Variants in DGKB observed in about 807,000 individuals in gnomAD.
The protein encoded by DGKB is diacylglycerol kinase beta.
DGKB carries 67 observed loss-of-function variants against 114.3 expected under a neutral mutation model. The observed-to-expected ratio is 0.59, with a 90% CI of 0.48 to 0.72. The LOEUF (loss-of-function observed/expected upper bound fraction) is 0.72. DGKB is among the 30% of genes least tolerant of loss of function. The pLI, the probability that DGKB is intolerant of heterozygous loss-of-function variation, is 0.00. For missense variants in DGKB, 907 were observed against 975.2 expected (o/e 0.93, Z 0.93); for synonymous variants, 398 against 323.1 (o/e 1.23, Z -2.49).
At chr7:14,819,235 A>G (rs1844574945) in intron 2 of DGKB, among the ~76,000 whole-genome samples, 1 of 152,158 alleles carries the variant, frequency 6.6e-6, no homozygotes, top group African/African-American at 2.4e-5. Context: ...TTTAAGATAT[A>G]TGTGTTCTTT....
chr7:14,807,046 G>C (rs938363533), intron 2 of DGKB, among the ~76,000 whole-genome samples: 1 of 151,274 alleles, frequency 6.6e-6, no homozygotes, highest in Admixed American at 6.6e-5. Context: ...GAAGTTCTTG[G>C]AGAAAAAAAA....
At chr7:14,708,540 C>T (rs1466820639) in intron 6 of DGKB, among the ~76,000 whole-genome samples, 1 of 151,392 alleles carries the variant, frequency 6.6e-6, no homozygotes, top group Non-Finnish European at 1.5e-5. Flanking sequence ...AAGCTGGAGG[C>T]ATCACACTAC....
chr7:14,283,619 C>A (rs1312494119), intron 23 of DGKB, among the ~76,000 whole-genome samples: 3 of 149,990 alleles, frequency 2.0e-5, no homozygotes, highest in Admixed American at 2.0e-4. Flanking sequence ...AACTATACTA[C>A]AAGGCTACAG....
At chr7:14,519,004 T>C (rs973547951) in intron 20 of DGKB, among the ~76,000 whole-genome samples, 1 of 152,042 alleles carries the variant, frequency 6.6e-6, no homozygotes, top group African/African-American at 2.4e-5. Flanking sequence ...ACTTTGGTCA[T>C]AATTTGAAAA....
intron 2 of DGKB, among the ~76,000 whole-genome samples, chr7:14,803,042 T>C (rs1170237010): frequency 6.6e-6 from 1 of 152,060 alleles, no homozygotes; most frequent in East Asian, 1.9e-4. Context: ...TAGGTTGCAG[T>C]TTAAATAGAG....
At chr7:14,650,959 T>C (rs1358888509) in intron 13 of DGKB, among the ~76,000 whole-genome samples, 1 of 152,180 alleles carries the variant, frequency 6.6e-6, no homozygotes, top group African/African-American at 2.4e-5. Flanking sequence ...AGAAGTTGAA[T>C]CTCTTAATAG....
chr7:14,213,070 G>A (rs1042251157), intron 23 of DGKB, among the ~76,000 whole-genome samples: 11 of 151,800 alleles, frequency 7.2e-5, no homozygotes, highest in Admixed American at 6.6e-5. Context: ...ATATGTACCA[G>A]TTCAATTTGA....
At chr7:14,400,727 C>T (rs1190819571) in intron 21 of DGKB, among the ~76,000 whole-genome samples, 3 of 146,118 alleles carry the variant, frequency 2.1e-5, no homozygotes, top group Non-Finnish European at 4.5e-5. Context: ...TCTGTCTAGA[C>T]GTATCATGTT....
chr7:14,290,418 T>C (rs544710993), intron 23 of DGKB, among the ~76,000 whole-genome samples: 9 of 152,198 alleles, frequency 5.9e-5, no homozygotes, highest in African/African-American at 2.2e-4. Context: ...CACAAAAAGC[T>C]AGGTTATCCT....
chr7:14,558,863 G>C (rs777456951), intron 20 of DGKB, among the ~76,000 whole-genome samples: 6 of 152,050 alleles, frequency 3.9e-5, no homozygotes, highest in Admixed American at 6.6e-5. Context: ...AACCCACTTG[G>C]GGAGAAATCC....
chr7:14,847,216 A>G (rs961625107), intron 1 of DGKB, among the ~76,000 whole-genome samples: 11 of 148,386 alleles, frequency 7.4e-5, no homozygotes, highest in East Asian at 2.0e-4. Context: ...GCGTGAACCC[A>G]GGAGGCGGAG....
Position 14,603,138 on chromosome 7 carries a change from G to C in DGKB, c.1433+4296C>G, listed in dbSNP as rs928999064. 5.9e-5 allele frequency among the ~76,000 whole-genome samples: 9 copies of C among 151,562 alleles called. No homozygotes were observed. In the East Asian group the frequency reaches 1.4e-3, roughly 23 times the overall value. The stretch of plus-strand genomic sequence containing the variant: ...TTTTTGTTACTTTTATTAATCCATA[G>C]ATCTTTAATTTTAGAAGCATGAATC... On this transcript the variant is annotated intron_variant, in intron 17 of 25. Coordinates refer to ENST00000402815, the MANE Select transcript of DGKB (RefSeq NM_001350709.2).
intron 20 of DGKB, among the ~76,000 whole-genome samples, chr7:14,499,887 G>A (rs181028700): frequency 1.3e-5 from 2 of 151,886 alleles, no homozygotes; most frequent in East Asian, 1.9e-4. Flanking sequence ...AACTGTCATA[G>A]TGAATCAGAC....
chr7:14,629,530 G>T (rs1585201504), intron 14 of DGKB, among the ~76,000 whole-genome samples: 1 of 151,950 alleles, frequency 6.6e-6, no homozygotes, highest in African/African-American at 2.4e-5. Flanking sequence ...AAAATAAGCA[G>T]ATTTTAATTA....
At chr7:14,197,757 T>C (rs934743901) in intron 23 of DGKB, among the ~76,000 whole-genome samples, 5 of 152,170 alleles carry the variant, frequency 3.3e-5, no homozygotes. Flanking sequence ...TAGAAAGGTC[T>C]GTTTCTCAAA....
At chr7:14,750,233 T>G (rs930236510) in intron 4 of DGKB, 1 of 487,382 alleles carries the variant, frequency 2.1e-6, no homozygotes, top group Non-Finnish European at 4.1e-6. Context: ...TCTAAACAGA[T>G]TTTGCAATAT....
At chr7:14,610,126 T>G (rs1585095362) in intron 16 of DGKB, among the ~76,000 whole-genome samples, 2 of 152,036 alleles carry the variant, frequency 1.3e-5, no homozygotes, top group Non-Finnish European at 2.9e-5. Context: ...AACCTAGGTA[T>G]CCATCAATGC....
chr7:14,749,548 G>A (rs1022820329), intron 4 of DGKB, among the ~76,000 whole-genome samples: 1 of 152,094 alleles, frequency 6.6e-6, no homozygotes, highest in African/African-American at 2.4e-5. Context: ...GCAAATAATG[G>A]ATTCGAAAAA....
At chr7:14,783,749 G>C (rs904705444) in intron 2 of DGKB, among the ~76,000 whole-genome samples, 21 of 152,178 alleles carry the variant, frequency 1.4e-4, no homozygotes, top group Admixed American at 4.6e-4. Flanking sequence ...TAAATACCAA[G>C]GATGTTTAGT....
Sources: gnomAD v4.1 joint callset for allele counts (sites outside exome capture counted in the v4.1 genomes callset) on GRCh38, gnomAD v4.1.1 for gene constraint, MANE v1.5 for transcripts, NCBI Gene and HGNC (gene_info 2026-07-23, HGNC 2026-07-21) for gene names.